AK2: variants seen among roughly 807,000 people sequenced by gnomAD.
AK2 encodes the protein adenylate kinase 2, mitochondrial.
Under a neutral mutation model 24.6 loss-of-function variants are expected in AK2, and 15 were observed. The observed-to-expected ratio is 0.61, with a 90% confidence interval of 0.41 to 0.94. The LOEUF (loss-of-function observed/expected upper bound fraction) is 0.94, where lower values mean the gene tolerates loss of function less well. AK2 is among the 40% of genes least tolerant of loss of function. The pLI is 0.00. For missense variants in AK2, 257 were observed against 304.1 expected, an observed-to-expected ratio of 0.85 and a Z score of 1.15; for synonymous variants, 102 against 114.0, an observed-to-expected ratio of 0.90 and a Z score of 0.67.
chr1:33,021,756 T>G (rs1639574800), intron 2 of AK2, 53 bp from the exon 3 acceptor site: 1 of 1,407,612 alleles, frequency 7.1e-7, no homozygotes, highest in Non-Finnish European at 1.0e-6. Context: ...CCTAGGTGAC[T>G]GACATTAGCC....
In AK2 at chr1:33,024,415, A is replaced by G. The variant is rs374295540; in HGVS notation, c.219+27T>C. On this transcript the variant is annotated intron_variant, in intron 2 of 5. Transcript: ENST00000672715. ...GCAGATCTAGATTCTGAGGAATATC[A>G]ACACTCATTGGTACCACCAAACCTA... 31 of 1,612,876 alleles carry G rather than the reference A, an allele frequency of 1.9e-5. No homozygotes were observed. In the African/African-American group the frequency reaches 3.6e-4, roughly 19 times the overall value.
intron 2 of AK2, among the ~76,000 whole-genome samples, chr1:33,022,600 G>A (rs1426368847): frequency 6.6e-6 from 1 of 151,982 alleles, no homozygotes; most frequent in East Asian, 1.9e-4. Context: ...CAAGTGATCT[G>A]CCTGTCTCAG....
At chr1:33,029,417 T>TC (rs1640105232) in intron 1 of AK2, 1 of 150,186 alleles carries the variant, frequency 6.7e-6, no homozygotes, top group African/African-American at 2.5e-5. Flanking sequence ...AACTTTTTTT[T>TC]TTTTTTTTTT....
At chr1:33,017,042 T>C (rs1269590646) in intron 4 of AK2, among the ~76,000 whole-genome samples, 2 of 152,202 alleles carry the variant, frequency 1.3e-5, no homozygotes. Flanking sequence ...GGTCTCACTA[T>C]GTTGCCCAGG....
Position 33,013,298 on chromosome 1 carries a change from G to A in AK2, c.603C>T (p.Tyr201=), listed in dbSNP as rs138151595. 3.5e-4 allele frequency: 569 copies of A among 1,614,170 alleles called. No individual in the cohort carries two copies. Among genetic ancestry groups the A allele is most frequent in the Non-Finnish European group, 4.4e-4 (514 of 1,180,028 alleles). The change falls in exon 6 of 6, where the codon TAC becomes TAT. Residue 201 remains tyrosine, a synonymous_variant. Transcript: ENST00000672715. ...TGGCGGAGTGGATCCCCCGTTTCCT[G>A]TAGTACTCTATGAGTGGGGTGGTTT... The part of the protein sequence containing the change: ...HTQTTPLIEY[Y]RKRGIHSAID...
intron 4 of AK2, 57 bp downstream of exon 4, chr1:33,021,309 TC>T (rs1639536049): frequency 2.8e-6 from 4 of 1,453,992 alleles, no homozygotes; most frequent in East Asian, 4.5e-5. Flanking sequence ...CAAGAGCAAT[TC>T]TCAGAGTTTG....
chr1:33,012,985 C>T lies in AK2; in HGVS notation c.*196G>A, dbSNP rs1638923518. On this transcript the variant is annotated 3_prime_UTR_variant, in exon 6 of 6. Transcript: ENST00000672715. ...AGCAGAGTGAACACATATGTGCATG[C>T]ACACACACACACACACAACACACAT... 1 of 1,006,102 alleles carries T rather than the reference C, an allele frequency of 9.9e-7. No individual in the cohort carries two copies. The allele number at this position is 1,006,102 out of a possible 1,614,324, so 62.3% of individuals were successfully genotyped here. A position where few individuals can be genotyped will look rare whatever the true frequency, so the allele number is the denominator to read the frequency against.
At position 33,011,247 on chromosome 1, in the gene AK2, T is replaced by C. The variant is rs1164151557; in HGVS notation, c.*1934A>G. 3.8e-6 allele frequency: 5 copies of C among 1,300,156 alleles called. No individual in the cohort carries two copies. Among genetic ancestry groups the C allele is most frequent in the African/African-American group, 3.0e-5 (2 of 66,426 alleles). The allele number at this position is 1,300,156 out of a possible 1,614,324, so 80.5% of individuals were successfully genotyped here. ...AAAGGGGAGCTGATTCTAAGATTCA[T>C]GATGCCACTGTCACCCAGAGAAGGA... is the stretch of plus-strand genomic sequence containing the variant. On this transcript the variant is annotated 3_prime_UTR_variant, in exon 6 of 6. Transcript: ENST00000672715.
rs993435755 is a variant in AK2 at position 33,011,313 on chromosome 1, T to A, written c.*1868A>T. ...ACATAGCTGACAGTTTTTGTTTCAC[T>A]CCTCTTCCTTGCCCATTCCCAGAAG... is the stretch of plus-strand genomic sequence containing the variant. On this transcript the variant is annotated 3_prime_UTR_variant, in exon 6 of 6. Coordinates refer to ENST00000672715, the MANE Select transcript of AK2 (RefSeq NM_001625.4). 7.8e-7 allele frequency: 1 copy of A among 1,289,388 alleles called. No individual in the cohort carries two copies. Among genetic ancestry groups the A allele is most frequent in the South Asian group, 1.2e-5 (1 of 80,950 alleles). 79.9% of individuals were successfully genotyped at this position (1,289,388 alleles called of 1,614,324 possible). A position where few individuals can be genotyped will look rare whatever the true frequency, so the allele number is the denominator to read the frequency against.
In AK2 at chr1:33,010,313, G is replaced by A. The variant is rs1221928458; in HGVS notation, c.*2868C>T. On this transcript the variant is annotated 3_prime_UTR_variant, in exon 6 of 6. Coordinates refer to ENST00000672715, the MANE Select transcript of AK2 (RefSeq NM_001625.4). The stretch of plus-strand genomic sequence containing the variant: ...TGATTTGTTGAGCCACCATCCCTAT[G>A]AATACACCTTACATCTCTTTCAAAT... 2 of 456,196 alleles carry A rather than the reference G, an allele frequency of 4.4e-6. No individual in the cohort carries two copies. Among genetic ancestry groups the A allele is most frequent in the African/African-American group, 4.0e-5 (2 of 50,138 alleles). 28.3% of individuals were successfully genotyped at this position (456,196 alleles called of 1,614,324 possible).
intron 4 of AK2, among the ~76,000 whole-genome samples, chr1:33,015,125 T>C (rs920981591): frequency 6.6e-6 from 1 of 152,226 alleles, no homozygotes; most frequent in African/African-American, 2.4e-5. Flanking sequence ...TAACCTAGTT[T>C]GGTTACAAAA....
chr1:33,027,671 C>G (rs1001896934), intron 1 of AK2, among the ~76,000 whole-genome samples: 5 of 150,742 alleles, frequency 3.3e-5, no homozygotes. Flanking sequence ...TGCTTGAACC[C>G]GTGAGGTGGA....
rs1557609262 is a variant in AK2, at chr1:33,012,365, C to G, written c.*816G>C. On this transcript the variant is annotated 3_prime_UTR_variant, in exon 6 of 6. Coordinates refer to ENST00000672715, the MANE Select transcript of AK2 (RefSeq NM_001625.4). ...ACCTAGGGGGAAAAAATTAATGATC[C>G]CTGTTCACACACTGACTCACGTGGG... The G allele has an allele frequency of 3.9e-6, 6 of 1,525,444 alleles. No homozygotes were observed. Among genetic ancestry groups the G allele is most frequent in the Non-Finnish European group, 5.3e-6 (6 of 1,142,228 alleles). 94.5% of individuals were successfully genotyped at this position (1,525,444 alleles called of 1,614,324 possible).
intron 4 of AK2, among the ~76,000 whole-genome samples, chr1:33,018,146 C>T (rs1044274142): frequency 5.3e-5 from 8 of 152,006 alleles, no homozygotes; most frequent in Non-Finnish European, 1.2e-4. Context: ...ACCGGAGAGC[C>T]AACTGGTAGG....
rs1330911487 is a variant in AK2, at chr1:33,008,070, T to C, written c.*5111A>G. On this transcript the variant is annotated 3_prime_UTR_variant, in exon 6 of 6. Transcript: ENST00000672715. ...TTCTGCATATAATTTCAGAGGTCTA[T>C]GATTTCTAGGGGATCCTTAGCCTGG... 2.2e-6 allele frequency: 1 copy of C among 454,080 alleles called. No homozygotes were observed. The highest frequency in any genetic ancestry group is 4.4e-6 in the Non-Finnish European group (1 of 226,824). The allele number at this position is 454,080 out of a possible 1,614,324, so 28.1% of individuals were successfully genotyped here. A position where few individuals can be genotyped will look rare whatever the true frequency, so the allele number is the denominator to read the frequency against.
At chr1:33,035,994 C>T (rs1464757553) in intron 1 of AK2, among the ~76,000 whole-genome samples, 1 of 152,144 alleles carries the variant, frequency 6.6e-6, no homozygotes, top group Admixed American at 6.5e-5. Flanking sequence ...AATTCAAGTT[C>T]CTTTTCATCT....
intron 1 of AK2, chr1:33,031,746 G>C: frequency 2.2e-6 from 1 of 454,464 alleles, no homozygotes. Flanking sequence ...TGACCCATAA[G>C]ACTGCCTAAG....
intron 1 of AK2, among the ~76,000 whole-genome samples, chr1:33,027,085 C>A (rs753590158): frequency 2.6e-5 from 4 of 152,142 alleles, no homozygotes; most frequent in Non-Finnish European, 5.9e-5. Flanking sequence ...GAGATCCAGC[C>A]CGGGCGAAGA....
In AK2 at chr1:33,008,597, A is replaced by G. The variant is rs1417233247; in HGVS notation, c.*4584T>C. On this transcript the variant is annotated 3_prime_UTR_variant, in exon 6 of 6. Coordinates refer to ENST00000672715, the MANE Select transcript of AK2 (RefSeq NM_001625.4). Reference sequence around the variant, plus strand: ...TTCAGCAACAAGATCAAGGGGACGGATAAGTGTTAGAGACTGTGTTTCAGT... The same window carrying G: ...TTCAGCAACAAGATCAAGGGGACGGGTAAGTGTTAGAGACTGTGTTTCAGT... The G allele has an allele frequency of 1.1e-5, 5 of 454,106 alleles. No individual in the cohort carries two copies. The highest frequency in any genetic ancestry group is 2.2e-5 in the Non-Finnish European group (5 of 226,788). The allele number at this position is 454,106 out of a possible 1,614,324, so 28.1% of individuals were successfully genotyped here.
Sources: allele counts gnomAD v4.1 joint callset (sites outside exome capture counted in the v4.1 genomes callset), GRCh38; gene constraint gnomAD v4.1.1; transcripts MANE v1.5; gene names NCBI Gene and HGNC (gene_info 2026-07-23, HGNC 2026-07-21).